Variants in TECPR1 observed in about 807,000 individuals in gnomAD.
TECPR1 encodes the protein tectonin beta-propeller repeat-containing protein 1.
TECPR1 carries 122 observed loss-of-function variants against 162.4 expected under a neutral mutation model. The ratio of observed to expected loss-of-function variants is 0.75; its 90% CI spans 0.65 to 0.87. The LOEUF is 0.87. Among genes scored for constraint, TECPR1 ranks in the 40% least tolerant of loss-of-function variants. TECPR1 has a pLI of 0.00. For missense variants in TECPR1, 1,432 were observed against 1,618.2 expected (o/e 0.88, Z 1.97); for synonymous variants, 642 against 670.6 (o/e 0.96, Z 0.66).
At chr7:98,230,358 C>T (rs1167499429) in intron 15 of TECPR1, among the ~76,000 whole-genome samples, 1 of 152,008 alleles carries the variant, frequency 6.6e-6, no homozygotes, top group Admixed American at 6.6e-5. Flanking sequence ...TAGGCTTGTG[C>T]GCCCAGCCCT....
chr7:98,225,063 C>T lies in TECPR1; in HGVS notation c.2553G>A (p.Ser851=), dbSNP rs753431284. 6.4e-5 allele frequency: 100 copies of T among 1,567,628 alleles called. No homozygotes were observed. The highest frequency in any genetic ancestry group is 7.6e-5 in the Non-Finnish European group (88 of 1,158,546). Residue 851 remains serine (S), a synonymous_variant, in exon 18 of 26, where the codon TCG becomes TCA. Coordinates refer to ENST00000447648, the MANE Select transcript of TECPR1 (RefSeq NM_015395.3). ...CAGCCTTCGTGCACTCCTGCAGCCCCGAGGCATCGCTCCACATGTACCGGT... is the reference window on the plus strand; with the variant it reads ...CAGCCTTCGTGCACTCCTGCAGCCCTGAGGCATCGCTCCACATGTACCGGT... The part of the protein sequence containing the change: ...PTDRYMWSDA[S]GLQECTKAGT...
rs115793943 is a variant in TECPR1, at chr7:98,228,576, C to T, written c.2411-460G>A. On this transcript the variant is annotated intron_variant, in intron 16 of 25. Coordinates refer to ENST00000447648, the MANE Select transcript of TECPR1 (RefSeq NM_015395.3). ...AAGCTGGAAAGCCTGCTCAGATATGCGTTCCTGGGGTATCAGGGGACCACA... is the reference window on the plus strand; with the variant it reads ...AAGCTGGAAAGCCTGCTCAGATATGTGTTCCTGGGGTATCAGGGGACCACA... The T allele has an allele frequency of 4.2e-3, 936 of 221,624 alleles. 13 individuals carry two copies. The highest frequency in any genetic ancestry group is 0.019 in the African/African-American group (843 of 45,332). The allele number at this position is 221,624 out of a possible 1,614,324, so 13.7% of individuals were successfully genotyped here.
At position 98,229,844 on chromosome 7, in the gene TECPR1, C is replaced by T. The variant is rs114477624; in HGVS notation, c.2283-678G>A. Among the ~76,000 whole-genome samples, 858 of 152,262 alleles carry T rather than the reference C, an allele frequency of 5.6e-3. 6 individuals carry two copies. Among genetic ancestry groups the T allele is most frequent in the African/African-American group, 0.019 (808 of 41,558 alleles). On this transcript the variant is annotated intron_variant, in intron 15 of 25. Transcript: ENST00000447648. ...GCCCCAGTGCCCACGGGTAATGAAG[C>T]CCAGGACCTCGTCGGCTTGGGAACA...
chr7:98,241,094 C>G lies in TECPR1; in HGVS notation c.808G>C (p.Gly270Arg). The G allele has an allele frequency of 6.2e-7, 1 of 1,608,974 alleles. No homozygotes were observed. Among genetic ancestry groups the G allele is most frequent in the Non-Finnish European group, 8.5e-7 (1 of 1,177,682 alleles). ...CCTTTGGGATTGCTCCTGTTGATTCCTTCCCGGACCAGGGCCTGTCCCTCC... is the reference window on the plus strand; with the variant it reads ...CCTTTGGGATTGCTCCTGTTGATTCGTTCCCGGACCAGGGCCTGTCCCTCC... ...LWEGQALVREGINRSNPKGSS... is the reference protein window; with the variant it reads ...LWEGQALVRERINRSNPKGSS... Residue 270 changes from glycine to arginine, a missense_variant, in exon 7 of 26, where the codon GGA (glycine) becomes CGA (arginine). By Grantham distance (125) the Gly-to-Arg change is moderately radical. Transcript: ENST00000447648. The surrounding 1 kb of genome is among the most constrained non-coding windows in gnomAD (Gnocchi z 5.0).
rs1798466662 is a variant in TECPR1 at position 98,232,331 on chromosome 7, G to A, written c.1819-372C>T. On this transcript the variant is annotated intron_variant, in intron 12 of 25. Transcript: ENST00000447648. This position sits in a 1 kb window ranked among gnomAD's most constrained non-coding sequence, Gnocchi z 4.6. ...AGCCTACTTGTGTCCAGGGGCCTTT[G>A]GAATGAGGCAGGTCACATGCTCTGT... Among the ~76,000 whole-genome samples, 1 of 152,028 alleles carries A rather than the reference G, an allele frequency of 6.6e-6. No homozygotes were observed. The highest frequency in any genetic ancestry group is 1.5e-5 in the Non-Finnish European group (1 of 67,994).
intron 24 of TECPR1, 36 bp downstream of exon 24, chr7:98,217,900 C>T (rs2116521423): frequency 6.5e-7 from 1 of 1,547,218 alleles, no homozygotes; most frequent in South Asian, 1.2e-5. Context: ...GGAACCAGAG[C>T]ACCCCAAGTG....
intron 17 of TECPR1, among the ~76,000 whole-genome samples, chr7:98,226,320 CAG>C (rs1212822650): frequency 1.3e-5 from 2 of 152,254 alleles, no homozygotes; most frequent in Non-Finnish European, 2.9e-5. Context: ...GGTAAACACA[CAG>C]ACACACAAAT....
At position 98,231,974 on chromosome 7, in the gene TECPR1, G is replaced by C. The variant is rs745672716; in HGVS notation, c.1819-15C>G. 6.3e-7 allele frequency: 1 copy of C among 1,590,528 alleles called. No individual in the cohort carries two copies. The highest frequency in any genetic ancestry group is 8.5e-7 in the Non-Finnish European group (1 of 1,173,038). ...ACCCACACCGACTGCGCAGGCCGGG[G>C]CAGTGGACACCATCACAGGCAGGCC... On this transcript the variant is annotated splice_polypyrimidine_tract_variant and intron_variant, in intron 12 of 25. Coordinates refer to ENST00000447648, the MANE Select transcript of TECPR1 (RefSeq NM_015395.3).
Position 98,222,723 on chromosome 7 carries a change from C to T in TECPR1, c.2929-202G>A, listed in dbSNP as rs1264164648. 26 of 816,948 alleles carry T rather than the reference C, an allele frequency of 3.2e-5. No individual in the cohort carries two copies. In the East Asian group the frequency reaches 3.3e-4, roughly 10 times the overall value. 50.6% of individuals were successfully genotyped at this position (816,948 alleles called of 1,614,324 possible). On this transcript the variant is annotated intron_variant, in intron 21 of 25. Coordinates refer to ENST00000447648, the MANE Select transcript of TECPR1 (RefSeq NM_015395.3). ...CTCATCCTCCTGCGAGCAGGGAAAG[C>T]GCCCCCGTGGGCGTGTGCACCTCAC...
chr7:98,247,326 A>G (rs886556240), intron 2 of TECPR1, among the ~76,000 whole-genome samples: 1 of 151,768 alleles, frequency 6.6e-6, no homozygotes, highest in African/African-American at 2.4e-5. Flanking sequence ...TTTTTTGTAG[A>G]GACAGAGTCT....
At position 98,245,951 on chromosome 7, in the gene TECPR1, G is replaced by T; in HGVS notation, c.196C>A (p.Arg66Ser). Residue 66 changes from arginine (R) to serine (S), a missense_variant, in exon 3 of 26, where the codon CGC becomes AGC. Coordinates refer to ENST00000447648, the MANE Select transcript of TECPR1 (RefSeq NM_015395.3). ...VYVCASDVPI[R>S]RREEAYENQR... Reference sequence around the variant, plus strand: ...TTCTCATAGGCCTCCTCTCGGCGGCGGATGGGGACATCGCTGGCACACACA... The same window carrying T: ...TTCTCATAGGCCTCCTCTCGGCGGCTGATGGGGACATCGCTGGCACACACA... The T allele has an allele frequency of 6.2e-7, 1 of 1,604,972 alleles. No individual in the cohort carries two copies. Among genetic ancestry groups the T allele is most frequent in the South Asian group, 1.1e-5 (1 of 89,312 alleles).
chr7:98,242,948 C>T (rs1475242906), intron 6 of TECPR1, among the ~76,000 whole-genome samples: 1 of 95,946 alleles, frequency 1.0e-5, no homozygotes, highest in East Asian at 3.6e-4. Flanking sequence ...ACACACCCAC[C>T]CACCCATCCA....
intron 23 of TECPR1, among the ~76,000 whole-genome samples, chr7:98,220,715 C>T (rs576967452): frequency 1.3e-5 from 2 of 152,220 alleles, no homozygotes; most frequent in South Asian, 4.1e-4. Flanking sequence ...CCCGCCACCA[C>T]GCCCAGCTAA....
At chr7:98,237,880 C>T (rs1798641199) in intron 9 of TECPR1, among the ~76,000 whole-genome samples, 2 of 152,192 alleles carry the variant, frequency 1.3e-5, no homozygotes, top group African/African-American at 4.8e-5. Flanking sequence ...TCAGGCAATC[C>T]TCCTGCCTTG....
At position 98,222,372 on chromosome 7, in the gene TECPR1, G is replaced by A; in HGVS notation, c.3064+14C>T. 2 of 1,605,158 alleles carry A rather than the reference G, an allele frequency of 1.2e-6. No homozygotes were observed. Among genetic ancestry groups the A allele is most frequent in the Non-Finnish European group, 1.7e-6 (2 of 1,176,384 alleles). On this transcript the variant is annotated intron_variant, in intron 22 of 25. Coordinates refer to ENST00000447648, the MANE Select transcript of TECPR1 (RefSeq NM_015395.3). Reference sequence around the variant, plus strand: ...AGGTGAACACTGCAGGGGCTCCTGGGGCGCGGCACTCACCGGCTGGCTGCG... The same window carrying A: ...AGGTGAACACTGCAGGGGCTCCTGGAGCGCGGCACTCACCGGCTGGCTGCG...
intron 8 of TECPR1, among the ~76,000 whole-genome samples, chr7:98,239,617 G>T (rs759881289): frequency 6.6e-6 from 1 of 152,110 alleles, no homozygotes; most frequent in Non-Finnish European, 1.5e-5. Flanking sequence ...AGTGACACAT[G>T]GCTGTAAGAG....
At chr7:98,217,528 A>AG in intron 25 of TECPR1, 25 bp from the exon 26 acceptor site, 1 of 1,528,122 alleles carries the variant, frequency 6.5e-7, no homozygotes, top group Non-Finnish European at 8.8e-7. Context: ...CTGTGTCACC[A>AG]GGGGACTCGG....
chr7:98,219,640 G>T (rs1015925374), intron 23 of TECPR1, among the ~76,000 whole-genome samples: 1 of 152,220 alleles, frequency 6.6e-6, no homozygotes, highest in African/African-American at 2.4e-5. Flanking sequence ...GGTGGCTCAT[G>T]CCTTTAATCC....
rs748031782 is a variant in TECPR1 at position 98,230,966 on chromosome 7, G to A, written c.2277C>T (p.Asp759=). 6.2e-7 allele frequency: 1 copy of A among 1,611,332 alleles called. No individual in the cohort carries two copies. Among genetic ancestry groups the A allele is most frequent in the Non-Finnish European group, 8.5e-7 (1 of 1,179,054 alleles). ...LEAHEHPLPC[D]QMFWRQMGGH... ...CCAGAGTGCGGCTCACTCACATCTG[G>A]TCGCAGGGCAGGGGGTGCTCGTGGG... Residue 759 remains aspartate, a synonymous_variant, in exon 15 of 26, where the codon GAC becomes GAT. Transcript: ENST00000447648.
Sources: allele counts gnomAD v4.1 joint callset (sites outside exome capture counted in the v4.1 genomes callset), GRCh38; gene constraint gnomAD v4.1.1; non-coding constraint Gnocchi (gnomAD v3.1); transcripts MANE v1.5; gene names NCBI Gene and HGNC (gene_info 2026-07-23, HGNC 2026-07-21).